The following UNC13C variants were observed in gnomAD, a reference collection of about 807,000 sequenced individuals.
The protein encoded by UNC13C is protein unc-13 homolog C.
UNC13C carries 174 observed loss-of-function variants against 245.4 expected under a neutral mutation model. The ratio of observed to expected loss-of-function variants is 0.71; its 90% confidence interval spans 0.63 to 0.80. The LOEUF (loss-of-function observed/expected upper bound fraction) is 0.80, where lower values mean the gene tolerates loss of function less well. Ranked by LOEUF, UNC13C falls within the 30% of genes least tolerant of loss-of-function variation. The pLI is 0.00. For synonymous variants in UNC13C, 992 were observed against 895.1 expected, an observed-to-expected ratio of 1.11 and a Z score of -1.93; for missense variants, 2,829 against 2,602.9, an observed-to-expected ratio of 1.09 and a Z score of -1.89.
intron 19 of UNC13C, among the ~76,000 whole-genome samples, chr15:54,437,120 C>T (rs1890262313): frequency 6.6e-6 from 1 of 151,834 alleles, no homozygotes; most frequent in Non-Finnish European, 1.5e-5. Flanking sequence ...TTGTCTTTTC[C>T]CCATTGTAAA....
chr15:54,297,768 T>G, intron 11 of UNC13C, 43 bp from the exon 12 acceptor site: 1 of 1,402,990 alleles, frequency 7.1e-7, no homozygotes, highest in Non-Finnish European at 9.9e-7. Context: ...AGAAAAACAT[T>G]ATTGTCAGAC....
chr15:53,859,545 C>CA, the UNC13C span, among the ~76,000 whole-genome samples: 4 of 151,346 alleles, frequency 2.6e-5, no homozygotes, highest in African/African-American at 9.7e-5. Flanking sequence ...TATTAAACAC[C>CA]AAAAAAAGAA....
At chr15:54,477,306 C>T (rs1892806037) in intron 19 of UNC13C, among the ~76,000 whole-genome samples, 1 of 98,912 alleles carries the variant, frequency 1.0e-5, no homozygotes, top group African/African-American at 3.9e-5. Flanking sequence ...TTATTTCCTT[C>T]TCCTGCCTAA....
intron 17 of UNC13C, among the ~76,000 whole-genome samples, chr15:54,374,958 A>G (rs1335503167): frequency 1.3e-5 from 2 of 152,246 alleles, no homozygotes; most frequent in African/African-American, 2.4e-5. Context: ...ATTTAATTCT[A>G]TAAATAAACC....
At chr15:54,435,231 T>C (rs1170545705) in intron 19 of UNC13C, among the ~76,000 whole-genome samples, 1 of 152,108 alleles carries the variant, frequency 6.6e-6, no homozygotes, top group Admixed American at 6.6e-5. Context: ...CATTACTGGG[T>C]ATATACACAA....
At chr15:53,863,593 T>C in the UNC13C span, among the ~76,000 whole-genome samples, 2 of 152,264 alleles carry the variant, frequency 1.3e-5, no homozygotes, top group South Asian at 4.1e-4. Flanking sequence ...CAATCAGAGA[T>C]TTGTGCAATC....
chr15:54,415,928 A>G (rs2040510192), intron 19 of UNC13C, among the ~76,000 whole-genome samples: 1 of 152,176 alleles, frequency 6.6e-6, no homozygotes, highest in South Asian at 2.1e-4. Flanking sequence ...TTCCTCTAAG[A>G]AAATGTAACT....
chr15:54,030,703 C>T (rs1206409056), intron 2 of UNC13C, among the ~76,000 whole-genome samples: 1 of 152,086 alleles, frequency 6.6e-6, no homozygotes, highest in Non-Finnish European at 1.5e-5. Flanking sequence ...AAGTTTAAGT[C>T]CCGGTTCAGT....
intron 19 of UNC13C, among the ~76,000 whole-genome samples, chr15:54,454,918 GT>G: frequency 2.1e-5 from 1 of 47,276 alleles, no homozygotes; most frequent in African/African-American, 8.2e-5. Flanking sequence ...CACCCATCAC[GT>G]CAGTAGTATA....
rs370093458 is a variant in UNC13C at position 54,427,603 on chromosome 15, A to G, written c.4933+12536A>G. The stretch of plus-strand genomic sequence containing the variant: ...CAGTGTATTTATCCAAAAATTATGT[A>G]TACACTTACATATTTGCTTTTCACA... On this transcript the variant is annotated intron_variant, in intron 19 of 32. Transcript: ENST00000260323. Among the ~76,000 whole-genome samples, 9 of 151,970 alleles carry G rather than the reference A, an allele frequency of 5.9e-5. 1 individual carries two copies. The highest frequency in any genetic ancestry group is 1.9e-4 in the East Asian group (1 of 5,146).
At position 54,089,666 on chromosome 15, in the gene UNC13C, T is replaced by C. The variant is rs1184822865; in HGVS notation, c.2984-53352T>C. Among the ~76,000 whole-genome samples, 9 of 137,674 alleles carry C rather than the reference T, an allele frequency of 6.5e-5. No homozygotes were observed. The East Asian group carries it at 3.0e-3, about 46-fold the overall frequency. 90.3% of individuals were successfully genotyped at this position (137,674 alleles called of 152,430 possible). ...TGGTTATTGCTTCCAATATCTTTTT[T>C]TTTTTTTTTTTCCCACAACATGCAT... On this transcript the variant is annotated intron_variant, in intron 2 of 32. Coordinates refer to ENST00000260323, the MANE Select transcript of UNC13C (RefSeq NM_001080534.3).
intron 2 of UNC13C, among the ~76,000 whole-genome samples, chr15:54,096,952 A>G (rs192205177): frequency 6.6e-6 from 1 of 152,336 alleles, no homozygotes; most frequent in Admixed American, 6.5e-5. Context: ...ACTTTTGTCT[A>G]TACTATTTGA....
chr15:54,508,083 T>G (rs955209639), intron 23 of UNC13C, among the ~76,000 whole-genome samples: 1 of 152,048 alleles, frequency 6.6e-6, no homozygotes, highest in Non-Finnish European at 1.5e-5. Context: ...TTCCTTAAAT[T>G]AATATGCTGC....
chr15:54,092,649 A>G (rs1272511282), intron 2 of UNC13C, among the ~76,000 whole-genome samples: 1 of 152,188 alleles, frequency 6.6e-6, no homozygotes, highest in African/African-American at 2.4e-5. Context: ...GAAGAGAAAT[A>G]CTTAATATCT....
intron 11 of UNC13C, 136 bp from the exon 12 acceptor site, chr15:54,297,675 C>T (rs2037471719): frequency 4.4e-6 from 3 of 678,550 alleles, no homozygotes; most frequent in Non-Finnish European, 7.9e-6. Context: ...ACTTAATAAG[C>T]AGCTCTGACT....
downstream of UNC13C, chr15:54,631,456 T>C (rs531433502): frequency 5.9e-5 from 9 of 152,360 alleles, no homozygotes; most frequent in East Asian, 1.7e-3. Flanking sequence ...AGTCAAGATA[T>C]GGGACAATTC....
intron 4 of UNC13C, among the ~76,000 whole-genome samples, chr15:54,231,325 A>G (rs933600313): frequency 1.3e-5 from 2 of 152,092 alleles, no homozygotes; most frequent in Non-Finnish European, 2.9e-5. Context: ...TATTAGTTTC[A>G]TTAAATACAA....
chr15:54,488,489 T>C (rs1893540620), intron 19 of UNC13C, among the ~76,000 whole-genome samples: 1 of 152,284 alleles, frequency 6.6e-6, no homozygotes, highest in Admixed American at 6.5e-5. Context: ...AAGTAAGGAC[T>C]GAAAAACAAC....
chr15:53,906,691 C>G, the UNC13C span, among the ~76,000 whole-genome samples: 146 of 152,196 alleles, frequency 9.6e-4, 1 homozygote, highest in African/African-American at 3.4e-3. Flanking sequence ...ATGGCCATAC[C>G]CAGTACCCTG....
Sources: allele counts gnomAD v4.1 joint callset (sites outside exome capture counted in the v4.1 genomes callset), GRCh38; gene constraint gnomAD v4.1.1; transcripts MANE v1.5; gene names NCBI Gene and HGNC (gene_info 2026-07-23, HGNC 2026-07-21).